DLGAP2: variants seen among roughly 807,000 people sequenced by gnomAD.
The protein encoded by DLGAP2 is disks large-associated protein 2.
A neutral mutation model predicts 100.3 loss-of-function variants in DLGAP2; 26 were observed. The ratio of observed to expected loss-of-function variants is 0.26; its 90% confidence interval spans 0.19 to 0.36. The LOEUF is 0.36. DLGAP2 is among the 10% of genes least tolerant of loss of function. The pLI, the probability that DLGAP2 is intolerant of heterozygous loss-of-function variation, is 1.00. For synonymous variants in DLGAP2, 886 were observed against 630.1 expected, an observed-to-expected ratio of 1.41 and a Z score of -6.08; for missense variants, 1,858 against 1,453.2, an observed-to-expected ratio of 1.28 and a Z score of -4.53.
At chr8:1,006,571 C>T (rs1332356707) in intron 2 of DLGAP2, among the ~76,000 whole-genome samples, 1 of 64,430 alleles carries the variant, frequency 1.6e-5, no homozygotes, top group Non-Finnish European at 3.1e-5. Flanking sequence ...TCCTTTATCA[C>T]GTCGGGGGCG....
intron 2 of DLGAP2, among the ~76,000 whole-genome samples, chr8:937,867 G>T (rs146276940): frequency 5.2e-4 from 79 of 152,278 alleles, no homozygotes; most frequent in African/African-American, 1.8e-3. Flanking sequence ...TCAGTGTCCT[G>T]CCTTTTTGTG....
intron 3 of DLGAP2, among the ~76,000 whole-genome samples, chr8:1,438,220 A>G (rs1797708338): frequency 6.6e-6 from 1 of 152,174 alleles, no homozygotes; most frequent in Non-Finnish European, 1.5e-5. Flanking sequence ...TGCATTTTAA[A>G]TAGAGTGTGT....
intron 2 of DLGAP2, among the ~76,000 whole-genome samples, chr8:917,390 C>T (rs1313173519): frequency 6.6e-6 from 1 of 152,012 alleles, no homozygotes. Flanking sequence ...AGGTGTGCGC[C>T]ACCACACCCA....
chr8:1,103,344 G>T (rs1171557429), intron 2 of DLGAP2, among the ~76,000 whole-genome samples: 7 of 152,038 alleles, frequency 4.6e-5, no homozygotes, highest in Admixed American at 4.6e-4. Flanking sequence ...GACTGGCAGG[G>T]CCTTGGTTAA....
intron 6 of DLGAP2, among the ~76,000 whole-genome samples, chr8:1,584,550 C>G (rs1796054658): frequency 6.6e-6 from 1 of 152,178 alleles, no homozygotes; most frequent in South Asian, 2.1e-4. Context: ...TCTGGTCCAG[C>G]CTGTGTTGCA....
chr8:1,442,452 G>T (rs1329959052), intron 3 of DLGAP2, among the ~76,000 whole-genome samples: 1 of 149,540 alleles, frequency 6.7e-6, no homozygotes, highest in Non-Finnish European at 1.5e-5. Context: ...GACGGATCCG[G>T]GCATAGACCC....
intron 4 of DLGAP2, among the ~76,000 whole-genome samples, chr8:1,535,485 C>T (rs1387485247): frequency 1.3e-5 from 2 of 152,224 alleles, no homozygotes; most frequent in African/African-American, 4.8e-5. Flanking sequence ...ACATGTTGTT[C>T]ATGCTGTCAG....
chr8:1,564,674 G>T (rs374666103), intron 5 of DLGAP2, among the ~76,000 whole-genome samples: 1 of 152,314 alleles, frequency 6.6e-6, no homozygotes, highest in East Asian at 1.9e-4. Flanking sequence ...TATATAATAC[G>T]CACGGGTGCT....
intron 3 of DLGAP2, among the ~76,000 whole-genome samples, chr8:1,437,265 C>T (rs776413968): frequency 5.9e-5 from 9 of 152,262 alleles, no homozygotes; most frequent in Admixed American, 3.3e-4. Flanking sequence ...TGACGCCATC[C>T]GGGTCTCCGT....
At chr8:1,017,816 G>C (rs936247358) in intron 2 of DLGAP2, among the ~76,000 whole-genome samples, 1 of 152,214 alleles carries the variant, frequency 6.6e-6, no homozygotes, top group African/African-American at 2.4e-5. Flanking sequence ...CACGCTACTG[G>C]GTTCATCCCT....
intron 2 of DLGAP2, among the ~76,000 whole-genome samples, chr8:958,949 T>C (rs1410173806): frequency 1.3e-5 from 2 of 152,196 alleles, no homozygotes; most frequent in Non-Finnish European, 2.9e-5. Flanking sequence ...GATGTTTTGG[T>C]GTGTGGGCTT....
At chr8:1,551,364 G>T (rs1323745452) in intron 5 of DLGAP2, among the ~76,000 whole-genome samples, 1 of 152,164 alleles carries the variant, frequency 6.6e-6, no homozygotes, top group Non-Finnish European at 1.5e-5. Flanking sequence ...TGGATAGTCA[G>T]TGTTCCCTGA....
At chr8:935,791 C>T (rs572994856) in intron 2 of DLGAP2, among the ~76,000 whole-genome samples, 4 of 152,270 alleles carry the variant, frequency 2.6e-5, no homozygotes, top group African/African-American at 7.2e-5. Context: ...GTTGGATACT[C>T]GGTGGAATTC....
At chr8:1,174,239 G>C (rs556911036) in intron 2 of DLGAP2, among the ~76,000 whole-genome samples, 36 of 152,128 alleles carry the variant, frequency 2.4e-4, no homozygotes, top group African/African-American at 8.4e-4. Context: ...CAGGGAATGT[G>C]ATAAGTCTAC....
At chr8:1,622,514 A>T (rs1358125352) in intron 6 of DLGAP2, 1 of 152,198 alleles carries the variant, frequency 6.6e-6, no homozygotes, top group Non-Finnish European at 1.5e-5. Flanking sequence ...TGAGCCCAGG[A>T]TTCAGCAAGC....
At chr8:1,286,228 C>G (rs1799918098) in intron 3 of DLGAP2, among the ~76,000 whole-genome samples, 1 of 152,186 alleles carries the variant, frequency 6.6e-6, no homozygotes, top group Admixed American at 6.5e-5. Flanking sequence ...TCCTGCCGCC[C>G]TTGTGAAGAG....
chr8:1,442,804 A>T (rs1159130382), intron 3 of DLGAP2, among the ~76,000 whole-genome samples: 3 of 149,354 alleles, frequency 2.0e-5, no homozygotes, highest in Admixed American at 6.6e-5. Flanking sequence ...GGGTTCAGCC[A>T]CTGGGGGAGA....
intron 12 of DLGAP2, among the ~76,000 whole-genome samples, chr8:1,682,729 C>CA: frequency 6.6e-6 from 1 of 151,572 alleles, no homozygotes. Flanking sequence ...CCCCCTTGCC[C>CA]TTGCAAAGTG....
At chr8:1,690,595 T>G (rs576963452) in intron 12 of DLGAP2, among the ~76,000 whole-genome samples, 1 of 149,354 alleles carries the variant, frequency 6.7e-6, no homozygotes, top group Non-Finnish European at 1.5e-5. Context: ...TCCCAGCTAC[T>G]TGGGAGGCTG....
Sources: allele counts gnomAD v4.1 joint callset (sites outside exome capture counted in the v4.1 genomes callset), GRCh38; gene constraint gnomAD v4.1.1; transcripts MANE v1.5; gene names NCBI Gene and HGNC (gene_info 2026-07-23, HGNC 2026-07-21).